The following CD47 variants were observed in gnomAD, a reference collection of about 807,000 sequenced individuals.
The protein encoded by CD47 is leukocyte surface antigen CD47.
A neutral mutation model predicts 44.6 loss-of-function variants in CD47; 11 were observed. The observed-to-expected ratio is 0.25, with a 90% CI of 0.16 to 0.41. The LOEUF is 0.41. Among genes scored for constraint, CD47 ranks in the 10% least tolerant of loss-of-function variants. The pLI is 1.00. For synonymous variants in CD47, 140 were observed against 136.3 expected (o/e 1.03, Z -0.19); for missense variants, 306 against 386.7 (o/e 0.79, Z 1.75).
intron 1 of CD47, among the ~76,000 whole-genome samples, chr3:108,084,982 G>A (rs1212125457): frequency 6.6e-6 from 1 of 152,018 alleles, no homozygotes; most frequent in Non-Finnish European, 1.5e-5. Context: ...AAATGCAAAT[G>A]TGCACTCCTT....
At chr3:108,048,492 C>T (rs1334064142) in intron 10 of CD47, among the ~76,000 whole-genome samples, 1 of 147,686 alleles carries the variant, frequency 6.8e-6, no homozygotes, top group African/African-American at 2.5e-5. Context: ...TCACGCCATT[C>T]TCCTGCCTCA....
intron 3 of CD47, among the ~76,000 whole-genome samples, chr3:108,066,973 G>T (rs1025433214): frequency 6.6e-6 from 1 of 152,170 alleles, no homozygotes; most frequent in African/African-American, 2.4e-5. Context: ...AGAGTGCAAA[G>T]GATAAAACGG....
chr3:108,056,883 C>T (rs1350212245), intron 7 of CD47, among the ~76,000 whole-genome samples: 3 of 152,002 alleles, frequency 2.0e-5, no homozygotes, highest in Non-Finnish European at 2.9e-5. Flanking sequence ...GAGTAAAAGC[C>T]TAAATTTTGA....
At chr3:108,052,201 A>C (rs2078840350) in intron 7 of CD47, 4 of 340,900 alleles carry the variant, frequency 1.2e-5, no homozygotes, top group Non-Finnish European at 5.6e-6. Flanking sequence ...TAGTAAACAC[A>C]TTCTCTCATT....
chr3:108,079,944 G>C (rs765182212), intron 2 of CD47, 47 bp downstream of exon 2: 2 of 1,312,806 alleles, frequency 1.5e-6, no homozygotes, highest in East Asian at 4.6e-5. Flanking sequence ...AAGAGGATCA[G>C]GTTGCACCAG....
intron 1 of CD47, among the ~76,000 whole-genome samples, chr3:108,090,520 G>A (rs2079611136): frequency 6.6e-6 from 1 of 152,218 alleles, no homozygotes; most frequent in African/African-American, 2.4e-5. Flanking sequence ...GCAGCCCCTT[G>A]CCTCTGATCG....
intron 10 of CD47, among the ~76,000 whole-genome samples, chr3:108,049,113 TC>T (rs1559973698): frequency 3.8e-5 from 5 of 130,570 alleles, no homozygotes; most frequent in African/African-American, 1.6e-4. Flanking sequence ...TCTCTCTCTC[TC>T]TCTCTCTCTC....
rs1559963753 is a variant in CD47 at position 108,044,460 on chromosome 3, A to AAAAAAAAAC, written c.*2827_*2828insGTTTTTTTT. ...AAAAAAAAAAAAACAAAAAAAAAAA[A>AAAAAAAAAC]CAGAAAGAAAGAAAACTCTCAAGCT... On this transcript the variant is annotated 3_prime_UTR_variant, in exon 11 of 11. Coordinates refer to ENST00000361309, the MANE Select transcript of CD47 (RefSeq NM_001777.4). 1.1e-5 allele frequency: 1 copy of AAAAAAAAAC among 91,550 alleles called. No individual in the cohort carries two copies. 5.7% of individuals were successfully genotyped at this position (91,550 alleles called of 1,614,324 possible). A position where few individuals can be genotyped will look rare whatever the true frequency, so the allele number is the denominator to read the frequency against.
intron 5 of CD47, among the ~76,000 whole-genome samples, chr3:108,059,205 G>C (rs1399898843): frequency 6.6e-6 from 1 of 151,988 alleles, no homozygotes; most frequent in Non-Finnish European, 1.5e-5. Flanking sequence ...GAAGTTATAT[G>C]GCATAATTTA....
intron 3 of CD47, among the ~76,000 whole-genome samples, chr3:108,065,843 A>T (rs1403958459): frequency 7.2e-6 from 1 of 139,172 alleles, no homozygotes; most frequent in African/African-American, 2.7e-5. Context: ...AAAAAAAAAA[A>T]AGAATTCACA....
chr3:108,076,309 G>A (rs2079310186), intron 2 of CD47, among the ~76,000 whole-genome samples: 1 of 152,146 alleles, frequency 6.6e-6, no homozygotes, highest in Non-Finnish European at 1.5e-5. Context: ...AATGGAATTG[G>A]CAACACTGCG....
chr3:108,058,908 C>T (rs2078964117), intron 5 of CD47, among the ~76,000 whole-genome samples: 2 of 152,146 alleles, frequency 1.3e-5, no homozygotes, highest in Non-Finnish European at 2.9e-5. Flanking sequence ...TTAAATGTGA[C>T]TCTTTAATAG....
chr3:108,060,907 T>G (rs2079001277), intron 3 of CD47, 55 bp from the exon 4 acceptor site: 4 of 1,146,286 alleles, frequency 3.5e-6, no homozygotes. Flanking sequence ...GAAGCCATTT[T>G]AATAACTTGT....
intron 2 of CD47, 41 bp from the exon 3 acceptor site, chr3:108,071,223 A>G (rs759401382): frequency 7.6e-6 from 7 of 918,016 alleles, no homozygotes; most frequent in East Asian, 5.3e-5. Context: ...AATATTTACT[A>G]TAACACTTTA....
chr3:108,058,555 G>C (rs1358024327), intron 5 of CD47, 126 bp from the exon 6 acceptor site: 3 of 568,754 alleles, frequency 5.3e-6, no homozygotes, highest in Non-Finnish European at 9.1e-6. Context: ...TTCATTGTTT[G>C]ACGGTAGATG....
At chr3:108,069,370 T>C (rs1489485877) in intron 3 of CD47, among the ~76,000 whole-genome samples, 1 of 151,898 alleles carries the variant, frequency 6.6e-6, no homozygotes, top group Non-Finnish European at 1.5e-5. Flanking sequence ...CGTACAAGCA[T>C]ATAAGCTGTA....
chr3:108,076,020 T>C (rs1232949483), intron 2 of CD47, among the ~76,000 whole-genome samples: 1 of 152,178 alleles, frequency 6.6e-6, no homozygotes, highest in African/African-American at 2.4e-5. Flanking sequence ...TCACAAGGAA[T>C]TGAATTCTGT....
At chr3:108,059,595 G>A in intron 4 of CD47, 51 bp from the exon 5 acceptor site, 1 of 907,818 alleles carries the variant, frequency 1.1e-6, no homozygotes, top group Non-Finnish European at 1.6e-6. Flanking sequence ...CTTTTTAAAT[G>A]TACTAATCTA....
At chr3:108,057,081 A>G (rs547558618) in intron 7 of CD47, among the ~76,000 whole-genome samples, 2 of 152,308 alleles carry the variant, frequency 1.3e-5, no homozygotes, top group African/African-American at 4.8e-5. Flanking sequence ...TCTATCACAG[A>G]AACACTGGAA....
Sources: gnomAD v4.1 joint callset for allele counts (sites outside exome capture counted in the v4.1 genomes callset) on GRCh38, gnomAD v4.1.1 for gene constraint, MANE v1.5 for transcripts, NCBI Gene and HGNC (gene_info 2026-07-23, HGNC 2026-07-21) for gene names.